RIMS1: variants seen among roughly 807,000 people sequenced by gnomAD.
RIMS1 encodes the protein regulating synaptic membrane exocytosis 1, also known as regulating synaptic membrane exocytosis protein 1.
Under a neutral mutation model 214.1 loss-of-function variants are expected in RIMS1, and 83 were observed. That is an observed-to-expected ratio of 0.39 (90% CI 0.32 to 0.47). The LOEUF (loss-of-function observed/expected upper bound fraction) is 0.47. Among genes scored for constraint, RIMS1 ranks in the 20% least tolerant of loss-of-function variants. The pLI is 0.99. For missense variants in RIMS1, 2,050 were observed against 2,161.8 expected, an observed-to-expected ratio of 0.95 and a Z score of 1.03; for synonymous variants, 793 against 786.8, an observed-to-expected ratio of 1.01 and a Z score of -0.13.
At chr6:72,377,392 A>G (rs1427899137) in intron 29 of RIMS1, among the ~76,000 whole-genome samples, 3 of 152,148 alleles carry the variant, frequency 2.0e-5, no homozygotes, top group Non-Finnish European at 4.4e-5. Context: ...AGGAAATTCT[A>G]GGATTCCATG....
intron 33 of RIMS1, among the ~76,000 whole-genome samples, chr6:72,399,306 ATCTC>A (rs548317499): frequency 5.0e-4 from 76 of 151,722 alleles, no homozygotes; most frequent in Non-Finnish European, 6.6e-4. Context: ...ATTTTATTTT[ATCTC>A]TCTCTCTTCT....
chr6:72,374,881 G>A (rs1037136545), intron 29 of RIMS1, among the ~76,000 whole-genome samples: 2 of 152,192 alleles, frequency 1.3e-5, no homozygotes, highest in African/African-American at 2.4e-5. Flanking sequence ...CCCATCTGGG[G>A]GTGATGGGAG....
intron 2 of RIMS1, among the ~76,000 whole-genome samples, chr6:72,046,745 T>C (rs1436784150): frequency 1.3e-5 from 2 of 152,158 alleles, no homozygotes; most frequent in Non-Finnish European, 2.9e-5. Flanking sequence ...TTGTAAGAAA[T>C]ATTTGCCTTA....
chr6:72,227,837 A>G (rs1436903109), intron 6 of RIMS1, among the ~76,000 whole-genome samples: 4 of 151,976 alleles, frequency 2.6e-5, no homozygotes, highest in African/African-American at 9.7e-5. Context: ...AATCAACTTA[A>G]TAATACTTCA....
intron 28 of RIMS1, among the ~76,000 whole-genome samples, chr6:72,313,889 C>T (rs1373645092): frequency 6.6e-6 from 1 of 152,228 alleles, no homozygotes; most frequent in East Asian, 1.9e-4. Context: ...CTCTGAGTCA[C>T]ATTTGTAGTA....
intron 4 of RIMS1, among the ~76,000 whole-genome samples, chr6:72,116,994 A>G (rs1489112243): frequency 6.6e-6 from 1 of 151,960 alleles, no homozygotes; most frequent in African/African-American, 2.4e-5. Context: ...CATGTGACAG[A>G]TGAGAAAATT....
chr6:71,888,508 C>T (rs1237570551), intron 1 of RIMS1, among the ~76,000 whole-genome samples: 1 of 152,208 alleles, frequency 6.6e-6, no homozygotes, highest in African/African-American at 2.4e-5. Flanking sequence ...GAAGTGCCTC[C>T]TCGAGAGAAG....
intron 29 of RIMS1, among the ~76,000 whole-genome samples, chr6:72,380,224 A>G (rs1180790985): frequency 6.6e-6 from 1 of 152,146 alleles, no homozygotes; most frequent in Non-Finnish European, 1.5e-5. Flanking sequence ...AGGGTGGGGA[A>G]CGTCACACAC....
rs985983295 is a variant in RIMS1 at position 72,366,676 on chromosome 6, G to T, written c.4367-23922G>T. 4 of 982,860 alleles carry T rather than the reference G, an allele frequency of 4.1e-6. No homozygotes were observed. The African/African-American group carries it at 7.0e-5, about 17-fold the overall frequency. 60.9% of individuals were successfully genotyped at this position (982,860 alleles called of 1,614,324 possible). ...ATTCTGTATATGCATGAGAAGGAGAGAGTGTCGGAGGGTGAGGGAGGAGGA... is the reference window on the plus strand; with the variant it reads ...ATTCTGTATATGCATGAGAAGGAGATAGTGTCGGAGGGTGAGGGAGGAGGA... On this transcript the variant is annotated intron_variant, in intron 29 of 33. Coordinates refer to ENST00000521978, the MANE Select transcript of RIMS1 (RefSeq NM_014989.7).
chr6:72,086,912 A>G (rs890665059), intron 2 of RIMS1, among the ~76,000 whole-genome samples: 5 of 152,236 alleles, frequency 3.3e-5, no homozygotes, highest in Non-Finnish European at 5.9e-5. Context: ...CAGGAAGCCT[A>G]GTTAGAAAGC....
At chr6:72,400,079 T>C (rs1596439996) in intron 33 of RIMS1, among the ~76,000 whole-genome samples, 2 of 152,320 alleles carry the variant, frequency 1.3e-5, no homozygotes, top group East Asian at 3.9e-4. Flanking sequence ...CATTCCATGG[T>C]ATACTGAGTT....
At chr6:71,917,918 C>G (rs1484047759) in intron 1 of RIMS1, among the ~76,000 whole-genome samples, 1 of 152,104 alleles carries the variant, frequency 6.6e-6, no homozygotes, top group Non-Finnish European at 1.5e-5. Flanking sequence ...ATCTGGATGA[C>G]TAAGGTACCA....
chr6:72,390,254 T>C (rs1425958138), intron 29 of RIMS1, among the ~76,000 whole-genome samples: 1 of 152,218 alleles, frequency 6.6e-6, no homozygotes, highest in Non-Finnish European at 1.5e-5. Context: ...AGGAGAAACC[T>C]ATTAGATTGT....
intron 4 of RIMS1, among the ~76,000 whole-genome samples, chr6:72,111,936 A>C (rs1332493474): frequency 6.6e-6 from 1 of 152,110 alleles, no homozygotes; most frequent in Non-Finnish European, 1.5e-5. Context: ...CAGAGTTCTA[A>C]TTGTCCTAGT....
intron 2 of RIMS1, among the ~76,000 whole-genome samples, chr6:71,971,271 GA>G (rs1262341049): frequency 6.6e-6 from 1 of 152,142 alleles, no homozygotes; most frequent in African/African-American, 2.4e-5. Flanking sequence ...AATGGACTAT[GA>G]ATGTGAAGTG....
intron 6 of RIMS1, among the ~76,000 whole-genome samples, chr6:72,186,789 A>G (rs1412639295): frequency 2.6e-5 from 3 of 113,408 alleles, no homozygotes; most frequent in Admixed American, 8.4e-5. Context: ...ACCCCCCCCC[A>G]TATATATGTG....
intron 9 of RIMS1, among the ~76,000 whole-genome samples, chr6:72,240,101 A>G (rs2066075988): frequency 6.6e-6 from 1 of 152,278 alleles, no homozygotes; most frequent in African/African-American, 2.4e-5. Context: ...TCATTTCTTC[A>G]TGACCAAATT....
In RIMS1 at chr6:72,365,754, G is replaced by A. The variant is rs1271644927; in HGVS notation, c.4367-24844G>A. On this transcript the variant is annotated intron_variant, in intron 29 of 33. Coordinates refer to ENST00000521978, the MANE Select transcript of RIMS1 (RefSeq NM_014989.7). ...AAAACAGAACACTCTAGACTCTAAT[G>A]TTTTTAATTCCTTAGTGCCATTATG... The A allele has an allele frequency of 2.6e-5, 4 of 152,204 alleles. No individual in the cohort carries two copies. The South Asian group carries it at 8.3e-4, about 31-fold the overall frequency. 9.4% of individuals were successfully genotyped at this position (152,204 alleles called of 1,614,324 possible).
chr6:71,994,648 G>C (rs1301954069), intron 2 of RIMS1, among the ~76,000 whole-genome samples: 1 of 152,056 alleles, frequency 6.6e-6, no homozygotes, highest in African/African-American at 2.4e-5. Flanking sequence ...GCTTCACCTT[G>C]TCATCATAGC....
Sources: allele counts gnomAD v4.1 joint callset (sites outside exome capture counted in the v4.1 genomes callset), GRCh38; gene constraint gnomAD v4.1.1; transcripts MANE v1.5; gene names NCBI Gene and HGNC (gene_info 2026-07-23, HGNC 2026-07-21).